CAMK4: variants seen among roughly 807,000 people sequenced by gnomAD.
CAMK4 encodes calcium/calmodulin-dependent protein kinase type IV.
Under a neutral mutation model 44.9 loss-of-function variants are expected in CAMK4, and 22 were observed. That is an observed-to-expected ratio of 0.49 (90% CI 0.35 to 0.70). The LOEUF is 0.70. Ranked by LOEUF, CAMK4 falls within the 30% of genes least tolerant of loss-of-function variation. The pLI is 0.01. For missense variants in CAMK4, 498 were observed against 586.8 expected (o/e 0.85, Z 1.56); for synonymous variants, 218 against 215.4 (o/e 1.01, Z -0.11).
At chr5:111,260,491 C>G (rs1422647321) in intron 1 of CAMK4, among the ~76,000 whole-genome samples, 1 of 152,140 alleles carries the variant, frequency 6.6e-6, no homozygotes. Context: ...CTCCCCTCAG[C>G]CTCTTGTCTC....
At chr5:111,441,996 T>C (rs1328152252) in intron 5 of CAMK4, among the ~76,000 whole-genome samples, 1 of 152,210 alleles carries the variant, frequency 6.6e-6, no homozygotes, top group Non-Finnish European at 1.5e-5. Flanking sequence ...GTGTTGATGA[T>C]ATTAGAAGTG....
chr5:111,384,620 C>G lies in CAMK4; in HGVS notation c.386+7678C>G, dbSNP rs763677348. Among the ~76,000 whole-genome samples the G allele has an allele frequency of 1.4e-4, 22 of 152,148 alleles. 1 individual carries two copies. The highest frequency in any genetic ancestry group is 3.2e-4 in the Non-Finnish European group (22 of 68,014). Reference sequence around the variant, plus strand: ...CCTGTGAACTGATTCACCAACTAAACTAATCAACATGAATTTCTCCCTTTT... The same window carrying G: ...CCTGTGAACTGATTCACCAACTAAAGTAATCAACATGAATTTCTCCCTTTT... On this transcript the variant is annotated intron_variant, in intron 4 of 10. Transcript: ENST00000282356.
At position 111,485,093 on chromosome 5, in the gene CAMK4, A is replaced by G. The variant is rs1755567417; in HGVS notation, c.*627A>G. ...CTTTATTTTATTCTTATTTATATAC[A>G]CTATATTAATAATAACCAAAATGTT... On this transcript the variant is annotated 3_prime_UTR_variant, in exon 11 of 11. Coordinates refer to ENST00000282356, the MANE Select transcript of CAMK4 (RefSeq NM_001744.6). 6.6e-6 allele frequency: 1 copy of G among 152,168 alleles called. No homozygotes were observed. Among genetic ancestry groups the G allele is most frequent in the African/African-American group, 2.4e-5 (1 of 41,442 alleles). The allele number at this position is 152,168 out of a possible 1,614,324, so 9.4% of individuals were successfully genotyped here.
At chr5:111,474,369 G>A (rs554744639) in intron 8 of CAMK4, among the ~76,000 whole-genome samples, 23 of 152,318 alleles carry the variant, frequency 1.5e-4, no homozygotes, top group Non-Finnish European at 2.5e-4. Flanking sequence ...TCTGCTGAGG[G>A]CCCTCTCTTG....
chr5:111,244,860 C>G (rs952148397), intron 1 of CAMK4, among the ~76,000 whole-genome samples: 1 of 151,554 alleles, frequency 6.6e-6, no homozygotes, highest in African/African-American at 2.4e-5. Flanking sequence ...GATTCTGTCT[C>G]AAAAAATTAA....
chr5:111,485,255 A>AGG lies in CAMK4; in HGVS notation c.*789_*790insGG, dbSNP rs1755574136. The AGG allele has an allele frequency of 6.6e-6, 1 of 152,200 alleles. No individual in the cohort carries two copies. The highest frequency in any genetic ancestry group is 1.5e-5 in the Non-Finnish European group (1 of 68,030). 9.4% of individuals were successfully genotyped at this position (152,200 alleles called of 1,614,324 possible). A position where few individuals can be genotyped will look rare whatever the true frequency, so the allele number is the denominator to read the frequency against. ...TTAGGGTGTAATAAACAGGGAAGAA[A>AGG]AGAAGGTAAGACTGTACTTAAACTG... On this transcript the variant is annotated 3_prime_UTR_variant, in exon 11 of 11. Transcript: ENST00000282356.
chr5:111,391,272 A>T (rs1751787135), intron 4 of CAMK4, among the ~76,000 whole-genome samples: 1 of 152,144 alleles, frequency 6.6e-6, no homozygotes, highest in Admixed American at 6.6e-5. Flanking sequence ...CATATTTTTG[A>T]ACGCTTCATG....
At chr5:111,238,141 G>A (rs574754219) in intron 1 of CAMK4, among the ~76,000 whole-genome samples, 1 of 152,226 alleles carries the variant, frequency 6.6e-6, no homozygotes, top group African/African-American at 2.4e-5. Flanking sequence ...TTTACTTCTT[G>A]TTTTCTGAGT....
At chr5:111,267,470 A>T (rs1750300344) in intron 1 of CAMK4, among the ~76,000 whole-genome samples, 1 of 152,078 alleles carries the variant, frequency 6.6e-6, no homozygotes, top group Admixed American at 6.5e-5. Flanking sequence ...TAATCCCAGC[A>T]CTTTGGGAGG....
intron 7 of CAMK4, among the ~76,000 whole-genome samples, chr5:111,465,020 A>C (rs1377324842): frequency 6.6e-6 from 1 of 152,162 alleles, no homozygotes; most frequent in Non-Finnish European, 1.5e-5. Context: ...TAGTTGTTAG[A>C]ATATTGTCCC....
Position 111,484,492 on chromosome 5 carries a change from A to C in CAMK4, c.*26A>C. On this transcript the variant is annotated 3_prime_UTR_variant, in exon 11 of 11. Transcript: ENST00000282356. This position sits in a 1 kb window ranked among gnomAD's most constrained non-coding sequence, Gnocchi z 5.3. ...ACAGCTTCCTTCAGATCTGGAAGCC[A>C]AACACCGGCATTTTATGTACTTTGT... 1 of 1,416,412 alleles carries C rather than the reference A, an allele frequency of 7.1e-7. No homozygotes were observed. Among genetic ancestry groups the C allele is most frequent in the Non-Finnish European group, 9.5e-7 (1 of 1,054,550 alleles). 87.7% of individuals were successfully genotyped at this position (1,416,412 alleles called of 1,614,324 possible).
chr5:111,411,035 G>T (rs1561470244), intron 5 of CAMK4, among the ~76,000 whole-genome samples: 1 of 152,086 alleles, frequency 6.6e-6, no homozygotes, highest in Admixed American at 6.6e-5. Flanking sequence ...ACACACAAAA[G>T]TTTCAAAGTT....
intron 2 of CAMK4, among the ~76,000 whole-genome samples, chr5:111,369,072 A>G (rs1750905972): frequency 6.7e-6 from 1 of 149,656 alleles, no homozygotes; most frequent in Non-Finnish European, 1.5e-5. Flanking sequence ...AATAATTATT[A>G]TTATTATTAT....
intron 1 of CAMK4, among the ~76,000 whole-genome samples, chr5:111,255,405 T>A (rs1749697036): frequency 6.6e-6 from 1 of 152,248 alleles, no homozygotes; most frequent in African/African-American, 2.4e-5. Flanking sequence ...TTTCTTGGAT[T>A]CATGCCCAGC....
intron 1 of CAMK4, among the ~76,000 whole-genome samples, chr5:111,295,728 T>G (rs1279983325): frequency 6.6e-6 from 1 of 152,250 alleles, no homozygotes; most frequent in Non-Finnish European, 1.5e-5. Flanking sequence ...AACTTTCATA[T>G]GCTGGGCTCT....
At chr5:111,457,852 C>T (rs1439754692) in intron 7 of CAMK4, among the ~76,000 whole-genome samples, 3 of 152,148 alleles carry the variant, frequency 2.0e-5, no homozygotes, top group African/African-American at 2.4e-5. Flanking sequence ...AAGTAAAGGA[C>T]GATCTCACCC....
chr5:111,341,874 C>T (rs1749660238), intron 1 of CAMK4, among the ~76,000 whole-genome samples: 1 of 151,324 alleles, frequency 6.6e-6, no homozygotes, highest in African/African-American at 2.4e-5. Flanking sequence ...TATTATTTTG[C>T]TCACCTCTAC....
chr5:111,352,664 G>A (rs76215322), intron 2 of CAMK4, among the ~76,000 whole-genome samples: 192 of 68,100 alleles, frequency 2.8e-3, no homozygotes, highest in African/African-American at 8.1e-3. Context: ...AGAGAGAGAG[G>A]GAGAGGGAGG....
At chr5:111,302,357 C>T (rs1359799576) in intron 1 of CAMK4, 1 of 149,342 alleles carries the variant, frequency 6.7e-6, no homozygotes, top group Non-Finnish European at 1.5e-5. Flanking sequence ...CTAGGGAGTG[C>T]CAGACAGTGG....
Sources: allele counts gnomAD v4.1 joint callset (sites outside exome capture counted in the v4.1 genomes callset), GRCh38; gene constraint gnomAD v4.1.1; non-coding constraint Gnocchi (gnomAD v3.1); transcripts MANE v1.5; gene names NCBI Gene and HGNC (gene_info 2026-07-23, HGNC 2026-07-21).